Variants in KIRREL3 observed in about 807,000 individuals in gnomAD.
The protein encoded by KIRREL3 is kirre like nephrin family adhesion molecule 3, also known as kin of IRRE-like protein 3.
Under a neutral mutation model 89.7 loss-of-function variants are expected in KIRREL3, and 36 were observed. The observed-to-expected ratio is 0.40, with a 90% confidence interval of 0.31 to 0.53. The LOEUF (loss-of-function observed/expected upper bound fraction) is 0.53. KIRREL3 is among the 20% of genes least tolerant of loss of function. KIRREL3 has a pLI of 0.49. For synonymous variants in KIRREL3, 445 were observed against 441.4 expected (o/e 1.01, Z -0.10); for missense variants, 864 against 1,056.6 (o/e 0.82, Z 2.53).
chr11:126,500,057 C>G (rs888115626), intron 4 of KIRREL3, among the ~76,000 whole-genome samples: 28 of 152,208 alleles, frequency 1.8e-4, no homozygotes, highest in African/African-American at 6.8e-4. Context: ...CTTCTACCCA[C>G]TGACTGCACT....
In KIRREL3 at chr11:126,520,531, A is replaced by G. The variant is rs1436915962; in HGVS notation, c.433+784T>C. On this transcript the variant is annotated intron_variant, in intron 4 of 16. Coordinates refer to ENST00000525144, the MANE Select transcript of KIRREL3 (RefSeq NM_032531.4). This position sits in a 1 kb window ranked among gnomAD's most constrained non-coding sequence, Gnocchi z 4.9. ...AACTGCTTGGCAAATGTGAGCTCTC[A>G]TGACTTATGTGCAAGGCCTGGTTCT... is the stretch of plus-strand genomic sequence containing the variant. 1.3e-5 allele frequency among the ~76,000 whole-genome samples: 2 copies of G among 152,144 alleles called. No homozygotes were observed. The highest frequency in any genetic ancestry group is 3.9e-4 in the East Asian group (2 of 5,176).
intron 1 of KIRREL3, among the ~76,000 whole-genome samples, chr11:126,951,045 T>C (rs1948760311): frequency 6.6e-6 from 1 of 152,226 alleles, no homozygotes; most frequent in Admixed American, 6.5e-5. Context: ...CCCAAGTTCT[T>C]AACCCAATCA....
rs1197028482 is a variant in KIRREL3 at position 126,995,305 on chromosome 11, T to C, written c.55+5150A>G. On this transcript the variant is annotated intron_variant, in intron 1 of 16. Transcript: ENST00000525144. This position sits in a 1 kb window ranked among gnomAD's most constrained non-coding sequence, Gnocchi z 6.5. Reference sequence around the variant, plus strand: ...GCCACCATTAAAGTCAAGATCACTGTGGTGGGGGGAGTTGAAGTGTGCATT... The same window carrying C: ...GCCACCATTAAAGTCAAGATCACTGCGGTGGGGGGAGTTGAAGTGTGCATT... 2.2e-6 allele frequency: 1 copy of C among 456,078 alleles called. No homozygotes were observed. The highest frequency in any genetic ancestry group is 2.0e-5 in the African/African-American group (1 of 50,042). 28.3% of individuals were successfully genotyped at this position (456,078 alleles called of 1,614,324 possible).
At chr11:126,895,811 C>A (rs1316352412) in intron 1 of KIRREL3, among the ~76,000 whole-genome samples, 1 of 152,148 alleles carries the variant, frequency 6.6e-6, no homozygotes, top group African/African-American at 2.4e-5. Flanking sequence ...TGGTTCAGAA[C>A]TCATTCTGTC....
rs1030644955 is a variant in KIRREL3, at chr11:126,523,213, C to G, written c.284-1749G>C. Among the ~76,000 whole-genome samples the G allele has an allele frequency of 6.6e-6, 1 of 152,094 alleles. No individual in the cohort carries two copies. The highest frequency in any genetic ancestry group is 6.6e-5 in the Admixed American group (1 of 15,260). On this transcript the variant is annotated intron_variant, in intron 3 of 16. Transcript: ENST00000525144. The surrounding 1 kb of genome is among the most constrained non-coding windows in gnomAD (Gnocchi z 4.9). ...GTCCCCATCACTGGCTGTATTCAAG[C>G]AGAGGTTGGATGATCGCCTCTCAGG...
At chr11:126,762,022 T>A (rs1949679455) in intron 1 of KIRREL3, among the ~76,000 whole-genome samples, 1 of 151,970 alleles carries the variant, frequency 6.6e-6, no homozygotes, top group Non-Finnish European at 1.5e-5. Flanking sequence ...CTACTAAAAA[T>A]ACAAAAGTTA....
In KIRREL3 at chr11:126,510,421, TTTCCTTCCTTCC is replaced by T. The variant is rs202158249; in HGVS notation, c.433+10882_433+10893del. On this transcript the variant is annotated intron_variant, in intron 4 of 16. Transcript: ENST00000525144. ...ATAAGAAATGTCCTCCCTGACGTTG[TTTCCTTCCTTCC>T]TTCCTTCCTTCCTTCCTTCCTTCCT... Among the ~76,000 whole-genome samples the T allele has an allele frequency of 3.9e-3, 498 of 126,408 alleles. 3 individuals carry two copies. In the East Asian group the frequency reaches 0.049, roughly 13 times the overall value. 82.9% of individuals were successfully genotyped at this position (126,408 alleles called of 152,430 possible). A position where few individuals can be genotyped will look rare whatever the true frequency, so the allele number is the denominator to read the frequency against.
intron 1 of KIRREL3, among the ~76,000 whole-genome samples, chr11:126,727,004 G>C (rs1948413165): frequency 6.6e-6 from 1 of 152,186 alleles, no homozygotes; most frequent in South Asian, 2.1e-4. Context: ...CACGCCTCCA[G>C]CACAGATTTC....
intron 1 of KIRREL3, among the ~76,000 whole-genome samples, chr11:126,889,375 C>G (rs919163695): frequency 6.6e-6 from 1 of 152,148 alleles, no homozygotes; most frequent in Non-Finnish European, 1.5e-5. Context: ...CATTGACATT[C>G]GTCATCATTA....
At chr11:126,613,574 T>C (rs893995629) in intron 1 of KIRREL3, among the ~76,000 whole-genome samples, 1 of 152,188 alleles carries the variant, frequency 6.6e-6, no homozygotes, top group Non-Finnish European at 1.5e-5. Flanking sequence ...TTCCCATTTA[T>C]TTTGTGTGTG....
intron 1 of KIRREL3, among the ~76,000 whole-genome samples, chr11:126,815,930 A>G (rs917313905): frequency 2.0e-5 from 3 of 152,178 alleles, no homozygotes; most frequent in Admixed American, 1.3e-4. Flanking sequence ...ACACGACGAC[A>G]GTTTTAACTG....
intron 4 of KIRREL3, among the ~76,000 whole-genome samples, chr11:126,512,406 G>A (rs1180784672): frequency 2.0e-5 from 3 of 152,226 alleles, no homozygotes; most frequent in African/African-American, 7.2e-5. Context: ...ATGGCCAGTG[G>A]CCAGCGGGGC....
At chr11:126,577,896 G>A (rs1224994833) in intron 1 of KIRREL3, among the ~76,000 whole-genome samples, 2 of 152,146 alleles carry the variant, frequency 1.3e-5, no homozygotes, top group African/African-American at 4.8e-5. Context: ...GTGTTTTTGA[G>A]GTTAATCAGT....
chr11:126,775,738 C>A (rs1950152175), intron 1 of KIRREL3, among the ~76,000 whole-genome samples: 1 of 152,110 alleles, frequency 6.6e-6, no homozygotes, highest in East Asian at 1.9e-4. Context: ...TATTTTTTAG[C>A]CTGACACAGA....
intron 1 of KIRREL3, among the ~76,000 whole-genome samples, chr11:126,629,822 C>T (rs569524543): frequency 1.3e-5 from 2 of 152,270 alleles, no homozygotes; most frequent in South Asian, 4.2e-4. Flanking sequence ...AGATGCTCTC[C>T]TTCCTGGTTC....
rs1236041081 is a variant in KIRREL3, at chr11:126,645,320, T to C, written c.56-82408A>G. ...AGACCTCCAGCGTCTTCATGTGTGG[T>C]CCTCAAATCCTGAATACTTCTCTCC... On this transcript the variant is annotated intron_variant, in intron 1 of 16. Coordinates refer to ENST00000525144, the MANE Select transcript of KIRREL3 (RefSeq NM_032531.4). The surrounding 1 kb of genome is among the most constrained non-coding windows in gnomAD (Gnocchi z 4.9). Among the ~76,000 whole-genome samples the C allele has an allele frequency of 6.6e-6, 1 of 152,132 alleles. No individual in the cohort carries two copies. Among genetic ancestry groups the C allele is most frequent in the East Asian group, 1.9e-4 (1 of 5,184 alleles).
chr11:126,769,371 A>G lies in KIRREL3; in HGVS notation c.56-206459T>C, dbSNP rs930133771. 2.6e-5 allele frequency among the ~76,000 whole-genome samples: 4 copies of G among 152,218 alleles called. No homozygotes were observed. The highest frequency in any genetic ancestry group is 9.6e-5 in the African/African-American group (4 of 41,468). On this transcript the variant is annotated intron_variant, in intron 1 of 16. Coordinates refer to ENST00000525144, the MANE Select transcript of KIRREL3 (RefSeq NM_032531.4). This position sits in a 1 kb window ranked among gnomAD's most constrained non-coding sequence, Gnocchi z 4.3. ...GATGGATAGAATTTTGGTGATAAAGAGAGGCCAGAGTCTCACAAATCCTGC... is the reference window on the plus strand; with the variant it reads ...GATGGATAGAATTTTGGTGATAAAGGGAGGCCAGAGTCTCACAAATCCTGC...
intron 1 of KIRREL3, among the ~76,000 whole-genome samples, chr11:126,923,132 T>C (rs1307045851): frequency 2.1e-3 from 24 of 11,668 alleles, no homozygotes; most frequent in African/African-American, 4.7e-3. Flanking sequence ...CCTTCTTCTC[T>C]TCTTCTTCTT....
rs567193054 is a variant in KIRREL3 at position 126,683,832 on chromosome 11, G to A, written c.56-120920C>T. Among the ~76,000 whole-genome samples the A allele has an allele frequency of 5.3e-5, 8 of 152,320 alleles. No individual in the cohort carries two copies. Among genetic ancestry groups the A allele is most frequent in the South Asian group, 4.1e-4 (2 of 4,826 alleles). ...GCTTATGTGGTAGAAACAGGAAGCCGTCTTGAAACCCTCGCCAGGCCCCAG... is the reference window on the plus strand; with the variant it reads ...GCTTATGTGGTAGAAACAGGAAGCCATCTTGAAACCCTCGCCAGGCCCCAG... On this transcript the variant is annotated intron_variant, in intron 1 of 16. Transcript: ENST00000525144. The surrounding 1 kb of genome is among the most constrained non-coding windows in gnomAD (Gnocchi z 5.2).
Sources: gnomAD v4.1 joint callset for allele counts (sites outside exome capture counted in the v4.1 genomes callset) on GRCh38, gnomAD v4.1.1 for gene constraint, Gnocchi (gnomAD v3.1) non-coding constraint, MANE v1.5 for transcripts, NCBI Gene and HGNC (gene_info 2026-07-23, HGNC 2026-07-21) for gene names.